NDUFAF2: variants seen among roughly 807,000 people sequenced by gnomAD.
NDUFAF2 encodes NADH dehydrogenase [ubiquinone] 1 alpha subcomplex assembly factor 2.
A neutral mutation model predicts 22.8 loss-of-function variants in NDUFAF2; 13 were observed. That is an observed-to-expected ratio of 0.57 (90% CI 0.37 to 0.91). The LOEUF (loss-of-function observed/expected upper bound fraction) is 0.91. NDUFAF2 is among the 40% of genes least tolerant of loss of function. The pLI is 0.01. For synonymous variants in NDUFAF2, 53 were observed against 64.2 expected, an observed-to-expected ratio of 0.83 and a Z score of 0.84; for missense variants, 162 against 195.2, an observed-to-expected ratio of 0.83 and a Z score of 1.01.
rs374627314 is a variant in NDUFAF2 at position 60,985,523 on chromosome 5, T to G, written c.127+40141T>G. ...TTTAGATCTTTCTTGCTTTCTCTTG[T>G]GGGCATCTAGTGCTATAAATTTCCG... is the stretch of plus-strand genomic sequence containing the variant. On this transcript the variant is annotated intron_variant, in intron 1 of 3. Coordinates refer to ENST00000296597, the MANE Select transcript of NDUFAF2 (RefSeq NM_174889.5). 6.6e-5 allele frequency among the ~76,000 whole-genome samples: 10 copies of G among 152,244 alleles called. No individual in the cohort carries two copies. In the East Asian group the frequency reaches 7.7e-4, roughly 12 times the overall value.
At chr5:60,984,701 G>A (rs1751044023) in intron 1 of NDUFAF2, among the ~76,000 whole-genome samples, 1 of 152,208 alleles carries the variant, frequency 6.6e-6, no homozygotes, top group Admixed American at 6.5e-5. Flanking sequence ...TACGTGTATT[G>A]TTTTTTGTAT....
intron 1 of NDUFAF2, among the ~76,000 whole-genome samples, chr5:61,016,275 A>G (rs1375711598): frequency 6.6e-6 from 1 of 152,182 alleles, no homozygotes; most frequent in Non-Finnish European, 1.5e-5. Context: ...CCCTTTTTAT[A>G]TAAAATTCAA....
At chr5:61,089,951 G>C (rs1198090515) in intron 2 of NDUFAF2, among the ~76,000 whole-genome samples, 1 of 151,116 alleles carries the variant, frequency 6.6e-6, no homozygotes, top group African/African-American at 2.4e-5. Flanking sequence ...TGAAAATGCT[G>C]TTTTATAGAC....
At chr5:61,149,442 T>C (rs1741195894) in intron 3 of NDUFAF2, among the ~76,000 whole-genome samples, 2 of 152,198 alleles carry the variant, frequency 1.3e-5, no homozygotes, top group Admixed American at 6.5e-5. Flanking sequence ...ATTGGAACCC[T>C]GTCTGAGTCA....
chr5:61,018,973 A>G (rs1384758207), intron 1 of NDUFAF2, among the ~76,000 whole-genome samples: 1 of 152,106 alleles, frequency 6.6e-6, no homozygotes, highest in African/African-American at 2.4e-5. Context: ...ATAAGTCTTA[A>G]GATTTGTTTT....
chr5:61,149,830 T>C (rs546554605), intron 3 of NDUFAF2, among the ~76,000 whole-genome samples: 2 of 152,336 alleles, frequency 1.3e-5, no homozygotes, highest in South Asian at 4.1e-4. Context: ...AAATAGACTT[T>C]CTTAAAAGTC....
At chr5:60,977,710 G>A (rs1435050031) in intron 1 of NDUFAF2, among the ~76,000 whole-genome samples, 1 of 151,878 alleles carries the variant, frequency 6.6e-6, no homozygotes, top group Non-Finnish European at 1.5e-5. Flanking sequence ...GGTGGCACAC[G>A]CCTGTAATCC....
rs116804169 is a variant in NDUFAF2 at position 60,960,938 on chromosome 5, C to T, written c.127+15556C>T. On this transcript the variant is annotated intron_variant, in intron 1 of 3. Transcript: ENST00000296597. ...TGTTTTATTTATTAAAAATATAACTCCGATTAAGCATACATTACCTTCAAA... is the reference window on the plus strand; with the variant it reads ...TGTTTTATTTATTAAAAATATAACTTCGATTAAGCATACATTACCTTCAAA... Among the ~76,000 whole-genome samples the T allele has an allele frequency of 5.6e-3, 857 of 152,072 alleles. 9 individuals are homozygous for T. The highest frequency in any genetic ancestry group is 0.02 in the African/African-American group (828 of 41,464).
At chr5:60,961,197 C>T (rs930371545) in intron 1 of NDUFAF2, among the ~76,000 whole-genome samples, 4 of 152,118 alleles carry the variant, frequency 2.6e-5, no homozygotes, top group Admixed American at 6.5e-5. Flanking sequence ...TGGTGGTTCA[C>T]GCCTGTAATC....
At chr5:61,136,783 G>A (rs1434769650) in intron 3 of NDUFAF2, among the ~76,000 whole-genome samples, 1 of 152,132 alleles carries the variant, frequency 6.6e-6, no homozygotes, top group Non-Finnish European at 1.5e-5. Flanking sequence ...GAGAGACTGC[G>A]GAACACATCA....
chr5:61,150,399 T>C (rs1579855940), intron 3 of NDUFAF2, among the ~76,000 whole-genome samples: 1 of 152,208 alleles, frequency 6.6e-6, no homozygotes, highest in Admixed American at 6.5e-5. Context: ...TTTTTAACTC[T>C]GAAATCTTTA....
chr5:61,020,717 T>A (rs1445153078), intron 1 of NDUFAF2, among the ~76,000 whole-genome samples: 8 of 151,774 alleles, frequency 5.3e-5, no homozygotes, highest in Non-Finnish European at 1.0e-4. Flanking sequence ...TGAGACAGAG[T>A]CTCAACTCTG....
intron 1 of NDUFAF2, among the ~76,000 whole-genome samples, chr5:61,022,662 T>G (rs1751598621): frequency 6.6e-6 from 1 of 152,238 alleles, no homozygotes; most frequent in Non-Finnish European, 1.5e-5. Flanking sequence ...TTGTTCGTTT[T>G]GAGACGGAGT....
intron 1 of NDUFAF2, among the ~76,000 whole-genome samples, chr5:61,039,899 C>T (rs989230004): frequency 5.3e-5 from 8 of 152,104 alleles, no homozygotes; most frequent in African/African-American, 1.9e-4. Flanking sequence ...GGAGCCATTA[C>T]TATAGATCAA....
chr5:60,956,440 A>G (rs1283587068), intron 1 of NDUFAF2, among the ~76,000 whole-genome samples: 1 of 152,162 alleles, frequency 6.6e-6, no homozygotes, highest in African/African-American at 2.4e-5. Context: ...CTTAGAGGAA[A>G]AGCTGTCTGT....
chr5:61,145,468 C>T (rs1165081547), intron 3 of NDUFAF2, among the ~76,000 whole-genome samples: 2 of 152,086 alleles, frequency 1.3e-5, no homozygotes, highest in African/African-American at 4.8e-5. Context: ...GCAAGTTGAG[C>T]AGCTCAAATT....
At chr5:60,979,086 G>A (rs1750941495) in intron 1 of NDUFAF2, among the ~76,000 whole-genome samples, 1 of 152,140 alleles carries the variant, frequency 6.6e-6, no homozygotes, top group African/African-American at 2.4e-5. Context: ...GTTTTGAAGG[G>A]AAATACCTGG....
intron 1 of NDUFAF2, among the ~76,000 whole-genome samples, chr5:61,040,668 T>A (rs577947391): frequency 3.9e-4 from 60 of 152,298 alleles, no homozygotes; most frequent in Admixed American, 1.8e-3. Context: ...CCCACAAGTA[T>A]TTATTAGCAT....
intron 1 of NDUFAF2, among the ~76,000 whole-genome samples, chr5:61,037,529 T>C (rs1232947122): frequency 6.6e-6 from 1 of 152,212 alleles, no homozygotes; most frequent in Non-Finnish European, 1.5e-5. Context: ...AGGTGCCATG[T>C]GGTAAAAGTG....
Sources: allele counts gnomAD v4.1 joint callset (sites outside exome capture counted in the v4.1 genomes callset), GRCh38; gene constraint gnomAD v4.1.1; transcripts MANE v1.5; gene names NCBI Gene and HGNC (gene_info 2026-07-23, HGNC 2026-07-21).